Variants in MED12L observed in about 807,000 individuals in gnomAD.
The protein encoded by MED12L is mediator of RNA polymerase II transcription subunit 12-like protein.
A neutral mutation model predicts 281.3 loss-of-function variants in MED12L; 60 were observed. That is an observed-to-expected ratio of 0.21 (90% CI 0.17 to 0.26). The LOEUF is 0.26. MED12L is among the 10% of genes least tolerant of loss of function. MED12L has a pLI of 1.00. For synonymous variants in MED12L, 974 were observed against 987.2 expected (o/e 0.99, Z 0.25); for missense variants, 2,146 against 2,680.9 (o/e 0.80, Z 4.41).
At chr3:151,418,011 T>G (rs1717821484) in intron 43 of MED12L, among the ~76,000 whole-genome samples, 1 of 152,164 alleles carries the variant, frequency 6.6e-6, no homozygotes, top group Non-Finnish European at 1.5e-5. Flanking sequence ...GTTAGCTGAG[T>G]CTAGTGTCCC....
At chr3:151,211,160 C>T (rs1279090002) in intron 16 of MED12L, among the ~76,000 whole-genome samples, 1 of 152,244 alleles carries the variant, frequency 6.6e-6, no homozygotes, top group South Asian at 2.1e-4. Context: ...ATATCCTTAT[C>T]TGCAATCCAT....
chr3:151,189,932 G>A (rs750332942), intron 13 of MED12L, among the ~76,000 whole-genome samples: 8 of 152,044 alleles, frequency 5.3e-5, no homozygotes, highest in African/African-American at 7.2e-5. Flanking sequence ...TTTCTTTTCC[G>A]TGGATCCTGC....
intron 3 of MED12L, among the ~76,000 whole-genome samples, chr3:151,121,977 G>A (rs1297940555): frequency 6.6e-6 from 1 of 152,104 alleles, no homozygotes; most frequent in African/African-American, 2.4e-5. Context: ...GCTTCCCAAA[G>A]TGCCGTGATT....
intron 2 of MED12L, among the ~76,000 whole-genome samples, chr3:151,092,340 A>G (rs924410295): frequency 3.3e-5 from 5 of 152,170 alleles, no homozygotes; most frequent in African/African-American, 9.7e-5. Context: ...TTAGGATGCT[A>G]TTCTCTCCAT....
intron 16 of MED12L, among the ~76,000 whole-genome samples, chr3:151,287,385 C>T (rs1743676117): frequency 6.6e-6 from 1 of 152,082 alleles, no homozygotes; most frequent in Non-Finnish European, 1.5e-5. Context: ...AGGGCAGAGA[C>T]CTGCCTTGTC....
intron 16 of MED12L, among the ~76,000 whole-genome samples, chr3:151,284,883 C>G (rs1743268349): frequency 1.3e-5 from 2 of 152,074 alleles, no homozygotes; most frequent in Non-Finnish European, 2.9e-5. Context: ...GCTGGGATTA[C>G]AGGCGTGAGC....
chr3:151,245,584 A>T (rs1735249421), intron 16 of MED12L, among the ~76,000 whole-genome samples: 1 of 150,668 alleles, frequency 6.6e-6, no homozygotes, highest in African/African-American at 2.4e-5. Context: ...TCATGCTGAA[A>T]ACTCTCAATA....
intron 39 of MED12L, among the ~76,000 whole-genome samples, chr3:151,396,004 G>A (rs1324401881): frequency 1.3e-5 from 2 of 152,124 alleles, no homozygotes; most frequent in Non-Finnish European, 2.9e-5. Flanking sequence ...GTATGATGAC[G>A]CAAGCAACAG....
intron 43 of MED12L, chr3:151,425,719 T>C (rs1201856064): frequency 4.4e-6 from 2 of 456,592 alleles, no homozygotes; most frequent in Non-Finnish European, 8.8e-6. Flanking sequence ...CTTCTGCCTC[T>C]GAGAAGTAAA....
chr3:151,423,197 T>G (rs1391208622), intron 43 of MED12L, among the ~76,000 whole-genome samples: 1 of 151,678 alleles, frequency 6.6e-6, no homozygotes, highest in East Asian at 1.9e-4. Flanking sequence ...TTTTTTTTTT[T>G]ATACTTTAAG....
intron 16 of MED12L, among the ~76,000 whole-genome samples, chr3:151,196,995 AAC>A (rs1365434861): frequency 3.9e-5 from 6 of 152,326 alleles, no homozygotes; most frequent in East Asian, 1.9e-4. Context: ...TGAAATAAAA[AAC>A]ACAAAGTCAT....
chr3:151,432,617 G>C, intron 44 of MED12L, 135 bp from the exon 45 acceptor site: 1 of 623,088 alleles, frequency 1.6e-6, no homozygotes. Flanking sequence ...GTTTTTCAGG[G>C]CAAGGATAGT....
chr3:151,108,118 A>G (rs1560053288), intron 2 of MED12L, among the ~76,000 whole-genome samples: 1 of 152,128 alleles, frequency 6.6e-6, no homozygotes, highest in Non-Finnish European at 1.5e-5. Context: ...AGAGTGCAGA[A>G]TAGAAAACTG....
At chr3:151,288,164 G>C (rs552618031) in intron 16 of MED12L, among the ~76,000 whole-genome samples, 29 of 152,286 alleles carry the variant, frequency 1.9e-4, no homozygotes, top group Admixed American at 9.8e-4. Flanking sequence ...ATATTTTCTT[G>C]TTGTCCCTAT....
chr3:151,298,539 C>T (rs753090589), intron 16 of MED12L, among the ~76,000 whole-genome samples: 7 of 152,152 alleles, frequency 4.6e-5, no homozygotes, highest in Non-Finnish European at 8.8e-5. Context: ...GAGAGTAAAA[C>T]CTACTTTGGT....
At chr3:151,272,638 G>C (rs1200038626) in intron 16 of MED12L, among the ~76,000 whole-genome samples, 1 of 152,204 alleles carries the variant, frequency 6.6e-6, no homozygotes. Flanking sequence ...AAAATATTGA[G>C]TACACAACCA....
intron 3 of MED12L, among the ~76,000 whole-genome samples, chr3:151,118,226 A>G (rs1190331262): frequency 6.6e-6 from 1 of 152,122 alleles, no homozygotes; most frequent in East Asian, 1.9e-4. Context: ...CATACAAATG[A>G]AAAGAAATCA....
intron 16 of MED12L, chr3:151,213,621 G>A (rs141121569): frequency 8.1e-5 from 130 of 1,614,016 alleles, no homozygotes; most frequent in Middle Eastern, 3.3e-4. Flanking sequence ...ATATGTTGCG[G>A]CTAGATTTCT....
chr3:151,313,579 C>G (rs536616336), intron 16 of MED12L, among the ~76,000 whole-genome samples: 1 of 151,898 alleles, frequency 6.6e-6, no homozygotes, highest in South Asian at 2.1e-4. Context: ...GGTGCGGTGG[C>G]TCACACCTGT....
Sources: gnomAD v4.1 joint callset for allele counts (sites outside exome capture counted in the v4.1 genomes callset) on GRCh38, gnomAD v4.1.1 for gene constraint, MANE v1.5 for transcripts, NCBI Gene and HGNC (gene_info 2026-07-23, HGNC 2026-07-21) for gene names.